ROS1: variants seen among roughly 807,000 people sequenced by gnomAD.
ROS1 encodes the protein ROS proto-oncogene 1, receptor tyrosine kinase.
ROS1 carries 263 observed loss-of-function variants against 273.5 expected under a neutral mutation model. That is an observed-to-expected ratio of 0.96 (90% CI 0.87 to 1.06). The LOEUF (loss-of-function observed/expected upper bound fraction) is 1.06, where lower values mean the gene tolerates loss of function less well. ROS1 is among the 50% of genes least tolerant of loss of function. ROS1 has a pLI of 0.00. For synonymous variants in ROS1, 1,008 were observed against 954.1 expected, an observed-to-expected ratio of 1.06 and a Z score of -1.04; for missense variants, 2,833 against 2,751.1, an observed-to-expected ratio of 1.03 and a Z score of -0.67.
chr6:117,329,893 C>T (rs770816181), intron 32 of ROS1, among the ~76,000 whole-genome samples: 16 of 152,178 alleles, frequency 1.1e-4, no homozygotes, highest in Non-Finnish European at 2.4e-4. Flanking sequence ...GCATCCCAAC[C>T]CTAGAATGTA....
chr6:117,325,036 A>G (rs1490674520), intron 34 of ROS1, among the ~76,000 whole-genome samples: 1 of 152,160 alleles, frequency 6.6e-6, no homozygotes, highest in Non-Finnish European at 1.5e-5. Flanking sequence ...TGCTACAGAG[A>G]TCACATGTAG....
chr6:117,308,624 C>T (rs1287593124), intron 42 of ROS1, among the ~76,000 whole-genome samples, 170 bp downstream of exon 42: 1 of 151,924 alleles, frequency 6.6e-6, no homozygotes, highest in Non-Finnish European at 1.5e-5. Context: ...TAAAAAGAAG[C>T]CATAATATAT....
intron 35 of ROS1, among the ~76,000 whole-genome samples, chr6:117,322,589 A>G (rs1318416557): frequency 2.6e-5 from 4 of 152,194 alleles, no homozygotes; most frequent in Non-Finnish European, 5.9e-5. Context: ...GGCTAATGTT[A>G]TGCATTAGAT....
At chr6:117,371,731 T>C (rs926862863) in intron 18 of ROS1, among the ~76,000 whole-genome samples, 5 of 152,134 alleles carry the variant, frequency 3.3e-5, no homozygotes, top group African/African-American at 9.7e-5. Flanking sequence ...ATGGGAGACA[T>C]GGTGGGAGTG....
chr6:117,363,813 T>C (rs1342096208), intron 21 of ROS1, among the ~76,000 whole-genome samples: 9 of 152,164 alleles, frequency 5.9e-5, no homozygotes, highest in Non-Finnish European at 1.3e-4. Flanking sequence ...TATTATCATT[T>C]GCTGTGCATG....
Position 117,366,236 on chromosome 6 carries a change from G to C in ROS1, c.2637C>G (p.Ser879=). 6.2e-7 allele frequency: 1 copy of C among 1,613,978 alleles called. No homozygotes were observed. The highest frequency in any genetic ancestry group is 8.5e-7 in the Non-Finnish European group (1 of 1,179,958). Reference sequence around the variant, plus strand: ...CACTATAGTACATCAGTGCATTCTGGGAAATTTCAGAAGTACTCCAGGCTG... The same window carrying C: ...CACTATAGTACATCAGTGCATTCTGCGAAATTTCAGAAGTACTCCAGGCTG... The part of the protein sequence containing the change: ...EFAAWSTSEI[S]QNALMYYSGR... Residue 879 remains serine (S), a synonymous_variant, in exon 19 of 44, where the codon TCC becomes TCG. Transcript: ENST00000368507.
chr6:117,288,978 G>A lies in ROS1; in HGVS notation c.6716-176C>T, dbSNP rs756504818. 4.1e-4 allele frequency among the ~76,000 whole-genome samples: 63 copies of A among 152,198 alleles called. 2 individuals carry two copies. Among genetic ancestry groups the A allele is most frequent in the Admixed American group, 2.0e-4 (3 of 15,278 alleles). ...CAAATAAAACATGCTTCTTGTCCTT[G>A]AGGCTGCTGCAGTCTAGCAGGGAAG... On this transcript the variant is annotated intron_variant, in intron 43 of 43. Transcript: ENST00000368507.
At chr6:117,369,597 G>T (rs558718061) in intron 18 of ROS1, among the ~76,000 whole-genome samples, 2 of 152,094 alleles carry the variant, frequency 1.3e-5, no homozygotes, top group African/African-American at 4.8e-5. Flanking sequence ...CCAGCTCTCT[G>T]GCATATACAG....
intron 32 of ROS1, among the ~76,000 whole-genome samples, chr6:117,330,835 G>A (rs1403750270): frequency 2.6e-5 from 4 of 152,078 alleles, no homozygotes; most frequent in African/African-American, 9.7e-5. Context: ...ACCCATACAA[G>A]GGTCAGCAGC....
intron 32 of ROS1, among the ~76,000 whole-genome samples, chr6:117,335,298 C>T (rs769340491): frequency 2.7e-4 from 41 of 152,280 alleles, no homozygotes; most frequent in Non-Finnish European, 4.9e-4. Flanking sequence ...GATACCATCT[C>T]ACGCGAGTCA....
chr6:117,288,844 T>C (rs1461035912), intron 43 of ROS1, 42 bp from the exon 44 acceptor site: 5 of 1,443,600 alleles, frequency 3.5e-6, no homozygotes, highest in Non-Finnish European at 3.7e-6. Context: ...TGTATTTAAT[T>C]ATTTATTTGT....
At chr6:117,388,021 G>A (rs1442896981) in intron 13 of ROS1, 29 bp from the exon 14 acceptor site, 1 of 1,613,760 alleles carries the variant, frequency 6.2e-7, no homozygotes, top group South Asian at 1.1e-5. Context: ...TAATATCACT[G>A]ATCAGGATGA....
At chr6:117,338,804 A>G (rs1225816679) in intron 31 of ROS1, among the ~76,000 whole-genome samples, 1 of 152,078 alleles carries the variant, frequency 6.6e-6, no homozygotes, top group African/African-American at 2.4e-5. Context: ...GGGTGTCAGG[A>G]CTTTCCATTT....
chr6:117,366,102 A>T lies in ROS1; in HGVS notation c.2771T>A (p.Ile924Asn). Residue 924 changes from isoleucine to asparagine, a missense_variant, in exon 19 of 44, where the codon ATT becomes AAT. Transcript: ENST00000368507. ...EPARFNQFTI[I>N]QTSLKPLPGN... ...TGGCAGGGGCTTAAGGGATGTCTGA[A>T]TAATTGTGAACTGATTAAATCTGGC... 1 of 1,614,122 alleles carries T rather than the reference A, an allele frequency of 6.2e-7. No homozygotes were observed. Among genetic ancestry groups the T allele is most frequent in the Non-Finnish European group, 8.5e-7 (1 of 1,179,942 alleles).
intron 43 of ROS1, among the ~76,000 whole-genome samples, chr6:117,300,108 T>TA (rs1368202477): frequency 2.1e-5 from 3 of 140,580 alleles, no homozygotes; most frequent in African/African-American, 7.9e-5. Context: ...TTTTTTTTTT[T>TA]TTTTTGTATT....
chr6:117,324,588 T>C (rs1776508272), intron 34 of ROS1, among the ~76,000 whole-genome samples, 173 bp from the exon 35 acceptor site: 1 of 152,080 alleles, frequency 6.6e-6, no homozygotes, highest in Non-Finnish European at 1.5e-5. Context: ...GTTTATGCCA[T>C]GTGAAATCAA....
Position 117,394,644 on chromosome 6 carries a change from C to T in ROS1, c.978G>A (p.Arg326=). 1 of 1,611,544 alleles carries T rather than the reference C, an allele frequency of 6.2e-7. No individual in the cohort carries two copies. The highest frequency in any genetic ancestry group is 8.5e-7 in the Non-Finnish European group (1 of 1,178,350). Residue 326 remains arginine, a synonymous_variant, in exon 10 of 44, where the codon CGG becomes CGA. Transcript: ENST00000368507. ...KHLVDEAHCL[R]LDAIYHNITG... The stretch of plus-strand genomic sequence containing the variant: ...TAATATTATGGTATATAGCATCCAA[C>T]CGAAGGCAATGTGCTTCATCTACTA...
intron 41 of ROS1, 129 bp from the exon 42 acceptor site, chr6:117,309,057 A>G: frequency 1.3e-6 from 1 of 780,528 alleles, no homozygotes; most frequent in Non-Finnish European, 2.0e-6. Context: ...GCCTCATAAA[A>G]GGCAAACGGC....
chr6:117,321,370 T>C lies in ROS1; in HGVS notation c.5648A>G (p.Gln1883Arg), dbSNP rs1015032434. The change falls in exon 36 of 44, where the codon CAA becomes CGA. Residue 1883 changes from glutamine to arginine, a missense_variant. Gln to Arg is a conservative substitution (Grantham distance 43, BLOSUM62 1). Coordinates refer to ENST00000368507, the MANE Select transcript of ROS1 (RefSeq NM_001378902.1). ...TFVWHRRLKN[Q>R]KSAKEGVTVL... The stretch of plus-strand genomic sequence containing the variant: ...TGTCACCCCTTCCTTGGCACTTTTT[T>C]GATTCTTTAATCTTCTATGCCAGAC... 2 of 1,612,950 alleles carry C rather than the reference T, an allele frequency of 1.2e-6. No homozygotes were observed. The highest frequency in any genetic ancestry group is 1.7e-6 in the Non-Finnish European group (2 of 1,179,550).
Sources: allele counts gnomAD v4.1 joint callset (sites outside exome capture counted in the v4.1 genomes callset), GRCh38; gene constraint gnomAD v4.1.1; transcripts MANE v1.5; gene names NCBI Gene and HGNC (gene_info 2026-07-23, HGNC 2026-07-21).